FGF12: variants seen among roughly 807,000 people sequenced by gnomAD.
FGF12 encodes fibroblast growth factor 12.
A neutral mutation model predicts 23.6 loss-of-function variants in FGF12; 14 were observed. The observed-to-expected ratio is 0.59, with a 90% CI of 0.39 to 0.93. The LOEUF (loss-of-function observed/expected upper bound fraction) is 0.93, where lower values mean the gene tolerates loss of function less well. Ranked by LOEUF, FGF12 falls within the 40% of genes least tolerant of loss-of-function variation. The probability of loss-of-function intolerance (pLI) is 0.00; values close to 1 mark genes in which losing one functional copy is unlikely to be tolerated. For synonymous variants in FGF12, 62 were observed against 77.3 expected, an observed-to-expected ratio of 0.80 and a Z score of 1.04; for missense variants, 175 against 217.8, an observed-to-expected ratio of 0.80 and a Z score of 1.24.
chr3:192,262,888 C>T (rs540690403), intron 4 of FGF12, among the ~76,000 whole-genome samples: 7 of 151,850 alleles, frequency 4.6e-5, no homozygotes, highest in African/African-American at 1.2e-4. Context: ...CACACACACA[C>T]GCATCCTGCA....
intron 2 of FGF12, among the ~76,000 whole-genome samples, chr3:192,680,455 G>A (rs1366134974): frequency 6.6e-6 from 1 of 152,142 alleles, no homozygotes; most frequent in Non-Finnish European, 1.5e-5. Flanking sequence ...AGGTGGTAGT[G>A]GGGGGAGGTT....
chr3:192,260,549 T>C (rs1488982189), intron 4 of FGF12, among the ~76,000 whole-genome samples: 9 of 152,180 alleles, frequency 5.9e-5, no homozygotes, highest in Admixed American at 5.9e-4. Context: ...AATCTCCATA[T>C]GCAGAATTTA....
At chr3:192,463,529 A>G (rs1576997856) in intron 2 of FGF12, among the ~76,000 whole-genome samples, 1 of 152,032 alleles carries the variant, frequency 6.6e-6, no homozygotes, top group Non-Finnish European at 1.5e-5. Context: ...TTGGGGATGA[A>G]CTCTTCAAGC....
chr3:192,640,178 T>A (rs138352380), intron 2 of FGF12, among the ~76,000 whole-genome samples: 12 of 152,204 alleles, frequency 7.9e-5, no homozygotes, highest in African/African-American at 2.6e-4. Flanking sequence ...GTGCTGTATT[T>A]GCTGAATGGG....
intron 4 of FGF12, among the ~76,000 whole-genome samples, chr3:192,197,005 G>C (rs1434359082): frequency 1.3e-5 from 2 of 152,140 alleles, no homozygotes; most frequent in Non-Finnish European, 2.9e-5. Flanking sequence ...TGTTAGATAA[G>C]ATGTGCAGTT....
chr3:192,625,706 C>T (rs1047097584), intron 2 of FGF12, among the ~76,000 whole-genome samples: 5 of 151,952 alleles, frequency 3.3e-5, no homozygotes, highest in Non-Finnish European at 5.9e-5. Flanking sequence ...TACTTTGTTA[C>T]TAGGTGTCTA....
chr3:192,250,481 CATAA>C (rs914433521), intron 4 of FGF12, among the ~76,000 whole-genome samples: 29 of 151,994 alleles, frequency 1.9e-4, no homozygotes, highest in African/African-American at 5.5e-4. Context: ...ACAATACAAG[CATAA>C]GTGTTTTTGA....
At chr3:192,416,942 T>C (rs1482667043) in intron 2 of FGF12, among the ~76,000 whole-genome samples, 1 of 152,138 alleles carries the variant, frequency 6.6e-6, no homozygotes, top group Non-Finnish European at 1.5e-5. Context: ...AATATTTCTT[T>C]AAACAGTATT....
At chr3:192,561,464 G>T (rs1282265592) in intron 2 of FGF12, among the ~76,000 whole-genome samples, 1 of 151,940 alleles carries the variant, frequency 6.6e-6, no homozygotes, top group African/African-American at 2.4e-5. Flanking sequence ...CTGGGTTCAA[G>T]CGATTCTCCT....
Position 192,415,409 on chromosome 3 carries a change from T to C in FGF12, c.14-54871A>G, listed in dbSNP as rs115880634. Among the ~76,000 whole-genome samples the C allele has an allele frequency of 9.4e-3, 1,423 of 152,160 alleles. 26 individuals are homozygous for C. The highest frequency in any genetic ancestry group is 0.033 in the African/African-American group (1,354 of 41,522). On this transcript the variant is annotated intron_variant, in intron 2 of 5. Transcript: ENST00000445105. Reference sequence around the variant, plus strand: ...ATAATCTTTGCACATAGCCAGATACTCAAAAAATACTCAAATAAATGAATT... The same window carrying C: ...ATAATCTTTGCACATAGCCAGATACCCAAAAAATACTCAAATAAATGAATT...
intron 2 of FGF12, among the ~76,000 whole-genome samples, chr3:192,418,036 T>C (rs979967939): frequency 2.0e-5 from 3 of 152,050 alleles, no homozygotes; most frequent in Admixed American, 6.6e-5. Flanking sequence ...GAAAACAATC[T>C]CATAGGGATT....
Position 192,535,159 on chromosome 3 carries a change from A to G in FGF12, c.14-174621T>C, listed in dbSNP as rs967250002. ...GGGGATTTGAAGAACAATGCTGAAT[A>G]ATATCTAGATCACAAAATCAACTAT... On this transcript the variant is annotated intron_variant, in intron 2 of 5. Coordinates refer to ENST00000445105, the MANE Select transcript of FGF12 (RefSeq NM_004113.6). 1.4e-4 allele frequency among the ~76,000 whole-genome samples: 22 copies of G among 152,300 alleles called. 1 individual carries two copies. In the East Asian group the frequency reaches 4.2e-3, roughly 29 times the overall value.
intron 2 of FGF12, among the ~76,000 whole-genome samples, chr3:192,520,565 T>C (rs1724791833): frequency 6.6e-6 from 1 of 152,244 alleles, no homozygotes; most frequent in Non-Finnish European, 1.5e-5. Flanking sequence ...TCCTCTTCAG[T>C]GTGGTTTGGT....
chr3:192,471,360 C>G (rs1723168672), intron 2 of FGF12, among the ~76,000 whole-genome samples: 1 of 152,054 alleles, frequency 6.6e-6, no homozygotes, highest in Admixed American at 6.6e-5. Flanking sequence ...CTATATGCAA[C>G]AAAATTATTT....
At chr3:192,421,579 C>G (rs1284684246) in intron 2 of FGF12, among the ~76,000 whole-genome samples, 2 of 152,074 alleles carry the variant, frequency 1.3e-5, no homozygotes, top group Non-Finnish European at 2.9e-5. Flanking sequence ...AACAGAAAAC[C>G]AAACACCACA....
chr3:192,392,113 G>A (rs1401196071), intron 2 of FGF12, among the ~76,000 whole-genome samples: 1 of 152,084 alleles, frequency 6.6e-6, no homozygotes, highest in African/African-American at 2.4e-5. Context: ...ATAGAGAGAA[G>A]GGATTACAGA....
At chr3:192,394,062 C>T (rs1192567953) in intron 2 of FGF12, among the ~76,000 whole-genome samples, 1 of 152,186 alleles carries the variant, frequency 6.6e-6, no homozygotes, top group African/African-American at 2.4e-5. Flanking sequence ...TGACATTACA[C>T]ATTAACCTAC....
At chr3:192,281,862 T>C (rs1034382282) in intron 4 of FGF12, among the ~76,000 whole-genome samples, 3 of 152,158 alleles carry the variant, frequency 2.0e-5, no homozygotes, top group Non-Finnish European at 4.4e-5. Flanking sequence ...TCATACTTCC[T>C]GTAATCGTTT....
intron 5 of FGF12, among the ~76,000 whole-genome samples, chr3:192,154,836 C>T (rs1222848573): frequency 2.1e-5 from 3 of 146,172 alleles, no homozygotes; most frequent in Non-Finnish European, 4.5e-5. Context: ...CTGTGGTGGG[C>T]TCCACCCAGT....
Sources: allele counts gnomAD v4.1 joint callset (sites outside exome capture counted in the v4.1 genomes callset), GRCh38; gene constraint gnomAD v4.1.1; transcripts MANE v1.5; gene names NCBI Gene and HGNC (gene_info 2026-07-23, HGNC 2026-07-21).